STIM2: variants seen among roughly 807,000 people sequenced by gnomAD.
STIM2 encodes the protein stromal interaction molecule 2.
Under a neutral mutation model 85.8 loss-of-function variants are expected in STIM2, and 31 were observed. That is an observed-to-expected ratio of 0.36 (90% CI 0.27 to 0.49). The LOEUF (loss-of-function observed/expected upper bound fraction) is 0.49, where lower values mean the gene tolerates loss of function less well. Among genes scored for constraint, STIM2 ranks in the 20% least tolerant of loss-of-function variants. The pLI is 0.98. For missense variants in STIM2, 841 were observed against 927.6 expected (o/e 0.91, Z 1.21); for synonymous variants, 356 against 331.1 (o/e 1.08, Z -0.82).
chr4:26,876,778 A>G (rs890227538), intron 1 of STIM2, among the ~76,000 whole-genome samples: 1 of 151,792 alleles, frequency 6.6e-6, no homozygotes, highest in Admixed American at 6.6e-5. Flanking sequence ...TTTACAGTTC[A>G]GGTTTTTTCT....
At chr4:26,957,822 A>G in intron 3 of STIM2, 96 bp downstream of exon 3, 1 of 708,758 alleles carries the variant, frequency 1.4e-6, no homozygotes, top group Non-Finnish European at 2.4e-6. Flanking sequence ...TACCAAAAAA[A>G]TCAAAATAAC....
chr4:27,003,148 T>G, intron 7 of STIM2, 44 bp downstream of exon 7: 1 of 1,524,292 alleles, frequency 6.6e-7, no homozygotes, highest in Non-Finnish European at 8.7e-7. Context: ...ATGTTAACAT[T>G]GCCACTCTGA....
intron 1 of STIM2, among the ~76,000 whole-genome samples, chr4:26,891,247 A>G (rs1723465330): frequency 6.6e-6 from 1 of 152,182 alleles, no homozygotes; most frequent in Non-Finnish European, 1.5e-5. Flanking sequence ...ATTGCCCTTG[A>G]TGATATGAGT....
intron 3 of STIM2, among the ~76,000 whole-genome samples, chr4:26,993,785 T>C (rs1225083440): frequency 2.0e-5 from 3 of 152,172 alleles, no homozygotes; most frequent in Non-Finnish European, 4.4e-5. Context: ...TGTTTATATC[T>C]TTACTGTTAT....
intron 2 of STIM2, among the ~76,000 whole-genome samples, chr4:26,933,831 A>G (rs969416627): frequency 6.6e-6 from 1 of 151,902 alleles, no homozygotes. Flanking sequence ...AGTAGTGTGT[A>G]TGGATACATA....
intron 2 of STIM2, among the ~76,000 whole-genome samples, chr4:26,942,492 C>T (rs1345975021): frequency 6.6e-6 from 1 of 152,102 alleles, no homozygotes; most frequent in Admixed American, 6.6e-5. Context: ...GACTTCTGTA[C>T]TGTTTCTCTC....
At chr4:26,930,480 T>A (rs1318443324) in intron 2 of STIM2, among the ~76,000 whole-genome samples, 1 of 152,204 alleles carries the variant, frequency 6.6e-6, no homozygotes, top group Non-Finnish European at 1.5e-5. Flanking sequence ...TAGAGGTTTT[T>A]TTTTATCAGT....
intron 2 of STIM2, among the ~76,000 whole-genome samples, chr4:26,922,770 C>G (rs1724851822): frequency 6.6e-6 from 1 of 152,104 alleles, no homozygotes; most frequent in Non-Finnish European, 1.5e-5. Context: ...TATCCTGAAA[C>G]TATTTAGGGC....
chr4:27,005,795 T>A (rs1728313323), intron 7 of STIM2, among the ~76,000 whole-genome samples: 4 of 152,196 alleles, frequency 2.6e-5, no homozygotes, highest in African/African-American at 9.7e-5. Context: ...GTAAGTAGTT[T>A]TTATGTTAAA....
intron 1 of STIM2, among the ~76,000 whole-genome samples, chr4:26,868,603 T>A (rs1209892994): frequency 6.6e-6 from 1 of 152,228 alleles, no homozygotes; most frequent in Admixed American, 6.5e-5. Flanking sequence ...AAAGGCTTTT[T>A]AAACCCTTGT....
Position 27,017,872 on chromosome 4 carries a change from C to T in STIM2, c.1651C>T (p.Pro551Ser), listed in dbSNP as rs1031951403. The change falls in exon 11 of 12, where the codon CCA (proline) becomes TCA (serine). Residue 551 changes from proline (P) to serine (S), a missense_variant. Around this residue, in one of 3 missense-constraint regions of STIM2, gnomAD observed 293 missense variants for 284.5 expected, o/e 1.03. Coordinates refer to ENST00000467087, the MANE Select transcript of STIM2 (RefSeq NM_020860.4). ...GCACCCTCACCACCCGCAACACACA[C>T]CACACTCCTTGCCTTCCCCTGATCC... 1.9e-6 allele frequency: 3 copies of T among 1,614,068 alleles called. No individual in the cohort carries two copies. Among genetic ancestry groups the T allele is most frequent in the Middle Eastern group, 1.6e-4 (1 of 6,084 alleles).
At chr4:26,911,053 A>G (rs901106964) in intron 1 of STIM2, among the ~76,000 whole-genome samples, 5 of 152,010 alleles carry the variant, frequency 3.3e-5, no homozygotes, top group Non-Finnish European at 5.9e-5. Context: ...CCTGGCCAAC[A>G]TGCTGAATCC....
At chr4:26,960,941 G>A (rs765862717) in intron 3 of STIM2, among the ~76,000 whole-genome samples, 11 of 151,296 alleles carry the variant, frequency 7.3e-5, no homozygotes, top group East Asian at 3.9e-4. Context: ...GTGCGCTCCC[G>A]TCATCCCAGC....
At chr4:26,960,206 C>T (rs1369972140) in intron 3 of STIM2, among the ~76,000 whole-genome samples, 6 of 152,116 alleles carry the variant, frequency 3.9e-5, no homozygotes, top group East Asian at 1.9e-4. Context: ...TCTGGAGAAA[C>T]GAAAAGTAGT....
intron 1 of STIM2, chr4:26,874,327 A>C (rs1577407930): frequency 3.1e-6 from 1 of 320,830 alleles, no homozygotes; most frequent in African/African-American, 2.2e-5. Flanking sequence ...AGAGGCCCCT[A>C]CACCCTGCCG....
chr4:26,889,137 T>A (rs1035733208), intron 1 of STIM2, among the ~76,000 whole-genome samples: 27 of 152,238 alleles, frequency 1.8e-4, no homozygotes, highest in African/African-American at 6.5e-4. Flanking sequence ...GGCCCCACTC[T>A]TATTTCTCTC....
chr4:26,941,752 G>T (rs566604575), intron 2 of STIM2, among the ~76,000 whole-genome samples: 2 of 152,146 alleles, frequency 1.3e-5, no homozygotes, highest in East Asian at 3.9e-4. Context: ...TCTTTTTAAT[G>T]AATAAAATTG....
intron 3 of STIM2, among the ~76,000 whole-genome samples, chr4:26,958,018 T>C (rs1429304835): frequency 6.6e-6 from 1 of 152,160 alleles, no homozygotes; most frequent in African/African-American, 2.4e-5. Flanking sequence ...TACGTGACAT[T>C]ATTATAAAAG....
In STIM2 at chr4:26,871,562, A is replaced by G. The variant is rs138013767; in HGVS notation, c.151+10193A>G. Among the ~76,000 whole-genome samples the G allele has an allele frequency of 1.8e-4, 28 of 152,340 alleles. 1 individual carries two copies. The East Asian group carries it at 5.4e-3, about 29-fold the overall frequency. ...AATTAAACTTTGACTCGATTTGTTC[A>G]GTTTGACTCGGCTTTTCAGTAAGTG... On this transcript the variant is annotated intron_variant, in intron 1 of 11. Transcript: ENST00000467087.
Sources: allele counts gnomAD v4.1 joint callset (sites outside exome capture counted in the v4.1 genomes callset), GRCh38; gene constraint gnomAD v4.1.1; regional missense constraint gnomAD v4.1.1; transcripts MANE v1.5; gene names NCBI Gene and HGNC (gene_info 2026-07-23, HGNC 2026-07-21).